The following CNBD1 variants were observed in gnomAD, a reference collection of about 807,000 sequenced individuals.
The protein encoded by CNBD1 is cyclic nucleotide binding domain containing 1.
Under a neutral mutation model 54.4 loss-of-function variants are expected in CNBD1, and 71 were observed. That is an observed-to-expected ratio of 1.30 (90% CI 1.08 to 1.59). The LOEUF (loss-of-function observed/expected upper bound fraction) is 1.59, where lower values mean the gene tolerates loss of function less well. Ranked by LOEUF, CNBD1 falls within the 40% of genes most tolerant of loss-of-function variation. CNBD1 has a pLI of 0.00. For missense variants in CNBD1, 659 were observed against 518.0 expected, an observed-to-expected ratio of 1.27 and a Z score of -2.64; for synonymous variants, 182 against 170.7, an observed-to-expected ratio of 1.07 and a Z score of -0.51.
chr8:87,315,043 AG>A (rs1179773784), intron 8 of CNBD1, among the ~76,000 whole-genome samples: 1 of 152,108 alleles, frequency 6.6e-6, no homozygotes, highest in Non-Finnish European at 1.5e-5. Context: ...AACAAGCAAA[AG>A]TACTTAGAAA....
intron 10 of CNBD1, among the ~76,000 whole-genome samples, chr8:87,378,265 T>C (rs1205004232): frequency 2.1e-5 from 3 of 144,454 alleles, no homozygotes; most frequent in Non-Finnish European, 3.0e-5. Flanking sequence ...TAGGTTTTCT[T>C]CTAGGGTTTT....
intron 4 of CNBD1, among the ~76,000 whole-genome samples, chr8:87,104,030 T>C (rs1274741865): frequency 2.0e-5 from 3 of 152,182 alleles, no homozygotes; most frequent in African/African-American, 7.2e-5. Context: ...CTGTTTATTA[T>C]AGAGACCATG....
At chr8:87,395,895 C>A (rs1479705096) in intron 2 of CNBD1, among the ~76,000 whole-genome samples, 2 of 151,838 alleles carry the variant, frequency 1.3e-5, no homozygotes, top group East Asian at 3.9e-4. Context: ...TTATAAGGGG[C>A]TTTTCTCCTC....
At chr8:87,086,251 C>T (rs1187361341) in intron 4 of CNBD1, among the ~76,000 whole-genome samples, 1 of 152,162 alleles carries the variant, frequency 6.6e-6, no homozygotes, top group Non-Finnish European at 1.5e-5. Flanking sequence ...ATAAAGCACC[C>T]AGTGCCTCTT....
At chr8:86,901,371 C>T (rs1808930256) in intron 2 of CNBD1, among the ~76,000 whole-genome samples, 1 of 152,022 alleles carries the variant, frequency 6.6e-6, no homozygotes, top group Admixed American at 6.6e-5. Context: ...ATATATTCAA[C>T]TTTTATGATT....
chr8:87,389,501 A>G (rs1024626543), intron 2 of CNBD1, among the ~76,000 whole-genome samples: 1 of 152,190 alleles, frequency 6.6e-6, no homozygotes, highest in Non-Finnish European at 1.5e-5. Context: ...CCCATTCACA[A>G]TTGCTTCAAA....
downstream of CNBD1, among the ~76,000 whole-genome samples, chr8:87,383,610 T>C (rs548526084): frequency 2.0e-5 from 3 of 152,190 alleles, no homozygotes; most frequent in East Asian, 5.8e-4. Context: ...ACACTATTAA[T>C]GTGTTTCTTT....
At chr8:87,266,888 A>C (rs1370389628) in intron 6 of CNBD1, among the ~76,000 whole-genome samples, 2 of 152,124 alleles carry the variant, frequency 1.3e-5, no homozygotes, top group Non-Finnish European at 2.9e-5. Context: ...ATAAAACTTA[A>C]TTTAGGCATC....
At chr8:87,394,476 T>C (rs1195391503) in intron 2 of CNBD1, among the ~76,000 whole-genome samples, 1 of 151,910 alleles carries the variant, frequency 6.6e-6, no homozygotes, top group South Asian at 2.1e-4. Context: ...ATTCTTTCTG[T>C]CTGTCTTCCT....
chr8:87,327,963 C>T (rs1356578196), intron 8 of CNBD1, among the ~76,000 whole-genome samples: 1 of 151,542 alleles, frequency 6.6e-6, no homozygotes, highest in Non-Finnish European at 1.5e-5. Context: ...TGTTGATATC[C>T]AGTTTTTCTT....
At chr8:87,262,536 A>T (rs1808163808) in intron 6 of CNBD1, among the ~76,000 whole-genome samples, 1 of 152,284 alleles carries the variant, frequency 6.6e-6, no homozygotes, top group East Asian at 1.9e-4. Flanking sequence ...ATAAAACAAA[A>T]AGGCAGAGAA....
intron 8 of CNBD1, among the ~76,000 whole-genome samples, chr8:87,325,593 C>G (rs1270015578): frequency 8.2e-5 from 11 of 133,458 alleles, no homozygotes; most frequent in African/African-American, 1.5e-4. Context: ...TTGTTGGTTT[C>G]AAGTCTGTTT....
chr8:87,373,378 T>A (rs986652698), intron 10 of CNBD1, among the ~76,000 whole-genome samples: 1 of 151,954 alleles, frequency 6.6e-6, no homozygotes, highest in African/African-American at 2.4e-5. Context: ...GGAGTGCTGC[T>A]AGGCAGAATT....
intron 6 of CNBD1, among the ~76,000 whole-genome samples, chr8:87,261,424 TTTAA>T (rs1267324897): frequency 6.6e-6 from 1 of 151,222 alleles, no homozygotes; most frequent in Non-Finnish European, 1.5e-5. Flanking sequence ...TTTAATGGAG[TTTAA>T]TTGAGCAATG....
intron 8 of CNBD1, among the ~76,000 whole-genome samples, chr8:87,334,890 A>G (rs1201768278): frequency 6.6e-6 from 1 of 151,564 alleles, no homozygotes; most frequent in Non-Finnish European, 1.5e-5. Flanking sequence ...TGCCCAGCTA[A>G]TTTTTTGTAC....
At chr8:87,041,694 G>T (rs1468633971) in intron 4 of CNBD1, among the ~76,000 whole-genome samples, 2 of 152,188 alleles carry the variant, frequency 1.3e-5, no homozygotes, top group African/African-American at 2.4e-5. Flanking sequence ...AGCTACTTGG[G>T]AGGCTGAGGC....
intron 4 of CNBD1, among the ~76,000 whole-genome samples, chr8:87,017,364 G>C (rs1379624476): frequency 6.6e-6 from 1 of 152,136 alleles, no homozygotes; most frequent in African/African-American, 2.4e-5. Flanking sequence ...CCGCTGCATA[G>C]CCTTTTGTGT....
downstream of CNBD1, among the ~76,000 whole-genome samples, chr8:87,384,195 T>C (rs1586068479): frequency 6.6e-6 from 1 of 152,098 alleles, no homozygotes; most frequent in Non-Finnish European, 1.5e-5. Flanking sequence ...AATGGACCCC[T>C]GCTAAATTTG....
intron 8 of CNBD1, among the ~76,000 whole-genome samples, chr8:87,345,505 G>A (rs527600201): frequency 6.6e-6 from 1 of 152,010 alleles, no homozygotes; most frequent in African/African-American, 2.4e-5. Context: ...AATTGACTTT[G>A]GGTCAATTGT....
Sources: gnomAD v4.1 joint callset for allele counts (sites outside exome capture counted in the v4.1 genomes callset) on GRCh38, gnomAD v4.1.1 for gene constraint, MANE v1.5 for transcripts, NCBI Gene and HGNC (gene_info 2026-07-23, HGNC 2026-07-21) for gene names.